Variants in SYNE1 observed in about 807,000 individuals in gnomAD.
SYNE1 encodes the protein nesprin-1.
SYNE1 carries 616 observed loss-of-function variants against 1,111.0 expected under a neutral mutation model. That is an observed-to-expected ratio of 0.55 (90% CI 0.52 to 0.59). The LOEUF is 0.59. SYNE1 is among the 20% of genes least tolerant of loss of function. The pLI, the probability that SYNE1 is intolerant of heterozygous loss-of-function variation, is 0.00. For missense variants in SYNE1, 10,006 were observed against 10,417.0 expected, an observed-to-expected ratio of 0.96 and a Z score of 1.72; for synonymous variants, 3,855 against 3,825.8, an observed-to-expected ratio of 1.01 and a Z score of -0.28.
At chr6:152,249,508 G>T (rs576811019) in intron 104 of SYNE1, among the ~76,000 whole-genome samples, 1 of 152,286 alleles carries the variant, frequency 6.6e-6, no homozygotes, top group African/African-American at 2.4e-5. Context: ...AACCATACAT[G>T]TAAAAAGCAA....
intron 71 of SYNE1, 95 bp from the exon 72 acceptor site, chr6:152,350,430 A>G: frequency 1.3e-6 from 2 of 1,533,246 alleles, no homozygotes; most frequent in South Asian, 2.3e-5. Context: ...CTCACAGGGT[A>G]GTTAGAGCTA....
At chr6:152,431,506 T>C (rs766671752) in intron 34 of SYNE1, among the ~76,000 whole-genome samples, 7 of 152,240 alleles carry the variant, frequency 4.6e-5, no homozygotes, top group Non-Finnish European at 7.3e-5. Context: ...TGTGTGCATG[T>C]GCACATGTGT....
intron 27 of SYNE1, among the ~76,000 whole-genome samples, chr6:152,450,179 G>A (rs2098635902): frequency 6.6e-6 from 1 of 152,106 alleles, no homozygotes; most frequent in Admixed American, 6.5e-5. Flanking sequence ...TTTCATAAGG[G>A]GCTTTTCCCC....
intron 63 of SYNE1, among the ~76,000 whole-genome samples, 161 bp downstream of exon 63, chr6:152,364,686 G>GAGAA (rs1554548787): frequency 2.8e-5 from 3 of 108,012 alleles, no homozygotes; most frequent in African/African-American, 1.1e-4. Flanking sequence ...AAGGAGGAAG[G>GAGAA]AGGAAGGAAG....
chr6:152,144,056 G>C (rs780397551), intron 137 of SYNE1: 117 of 438,516 alleles, frequency 2.7e-4, no homozygotes, highest in South Asian at 8.7e-4. Flanking sequence ...CTGAACCCCT[G>C]ATCATCTGAA....
At chr6:152,607,229 C>T (rs2099618223) in intron 3 of SYNE1, among the ~76,000 whole-genome samples, 1 of 151,946 alleles carries the variant, frequency 6.6e-6, no homozygotes, top group Admixed American at 6.6e-5. Context: ...TTTGATCCAC[C>T]TGCCTCAGCC....
intron 137 of SYNE1, chr6:152,144,479 AGAGT>A (rs778192053): frequency 0.16 from 16,868 of 104,012 alleles, 1,596 homozygotes; most frequent in African/African-American, 0.34. Flanking sequence ...AAAATTACTG[AGAGT>A]GTGTGTGTGT....
intron 3 of SYNE1, among the ~76,000 whole-genome samples, chr6:152,603,259 C>A (rs911797590): frequency 6.6e-6 from 1 of 152,124 alleles, no homozygotes; most frequent in East Asian, 1.9e-4. Flanking sequence ...CTCCAGTATG[C>A]CTATATATTA....
chr6:152,196,135 T>C (rs907260686), intron 127 of SYNE1, among the ~76,000 whole-genome samples: 3 of 152,088 alleles, frequency 2.0e-5, no homozygotes, highest in Non-Finnish European at 4.4e-5. Context: ...ACTCAGCTTG[T>C]GGTAAATGCT....
rs2098692588 is a variant in SYNE1, at chr6:152,455,875, G to A, written c.2727+11C>T. Reference sequence around the variant, plus strand: ...CTGGCTCACAGCTCTAAAGCAGGGAGAGCAAATTACCTGAAAAGCAACATG... The same window carrying A: ...CTGGCTCACAGCTCTAAAGCAGGGAAAGCAAATTACCTGAAAAGCAACATG... On this transcript the variant is annotated intron_variant, in intron 23 of 145. Coordinates refer to ENST00000367255, the MANE Select transcript of SYNE1 (RefSeq NM_182961.4). 1 of 1,613,872 alleles carries A rather than the reference G, an allele frequency of 6.2e-7. No individual in the cohort carries two copies. The highest frequency in any genetic ancestry group is 8.5e-7 in the Non-Finnish European group (1 of 1,179,966).
At chr6:152,250,236 C>A (rs1362760951) in intron 104 of SYNE1, among the ~76,000 whole-genome samples, 1 of 151,760 alleles carries the variant, frequency 6.6e-6, no homozygotes. Flanking sequence ...TACATGCCAG[C>A]CTGGGTGACT....
intron 7 of SYNE1, 73 bp downstream of exon 7, chr6:152,510,938 C>T (rs2099081791): frequency 1.5e-6 from 2 of 1,300,460 alleles, no homozygotes; most frequent in South Asian, 2.4e-5. Context: ...CAAATGAGAG[C>T]ATTATTAAAA....
intron 22 of SYNE1, chr6:152,456,677 C>T (rs1296689903): frequency 2.2e-6 from 1 of 445,414 alleles, no homozygotes; most frequent in East Asian, 7.2e-5. Flanking sequence ...CAGACACCTC[C>T]ACCTCTGACT....
At chr6:152,323,298 C>T (rs528727858) in intron 82 of SYNE1, among the ~76,000 whole-genome samples, 180 bp downstream of exon 82, 12 of 152,212 alleles carry the variant, frequency 7.9e-5, no homozygotes, top group African/African-American at 2.9e-4. Flanking sequence ...ATTAGCCGGG[C>T]GTGGTGGCGG....
intron 11 of SYNE1, among the ~76,000 whole-genome samples, chr6:152,498,203 A>G (rs760314883): frequency 1.3e-5 from 2 of 152,194 alleles, no homozygotes; most frequent in Non-Finnish European, 2.9e-5. Flanking sequence ...TAACTTGGAT[A>G]TGGACAGGAA....
chr6:152,179,673 CTTTTTTTTT>C (rs796260764), intron 129 of SYNE1, among the ~76,000 whole-genome samples: 163 of 55,088 alleles, frequency 3.0e-3, no homozygotes, highest in South Asian at 0.017. Context: ...GCTGGATATC[CTTTTTTTTT>C]TTTTTTTTTT....
intron 16 of SYNE1, among the ~76,000 whole-genome samples, chr6:152,471,313 CTT>C (rs34581770): frequency 3.9e-5 from 6 of 152,010 alleles, no homozygotes; most frequent in Non-Finnish European, 8.8e-5. Context: ...AATACAAAAA[CTT>C]TTTTTAAAAA....
intron 84 of SYNE1, chr6:152,320,322 G>T (rs114007361): frequency 6.6e-6 from 1 of 152,186 alleles, no homozygotes; most frequent in South Asian, 2.1e-4. Flanking sequence ...ATTTTGATGA[G>T]ATTTTTAAAA....
intron 145 of SYNE1, chr6:152,128,982 G>C (rs2054499768): frequency 6.6e-6 from 1 of 152,354 alleles, no homozygotes; most frequent in Non-Finnish European, 1.5e-5. Flanking sequence ...TTATGTTCCA[G>C]TCCCACCTGA....
Sources: allele counts gnomAD v4.1 joint callset (sites outside exome capture counted in the v4.1 genomes callset), GRCh38; gene constraint gnomAD v4.1.1; transcripts MANE v1.5; gene names NCBI Gene and HGNC (gene_info 2026-07-23, HGNC 2026-07-21).